Variants in HIGD1C observed in about 807,000 individuals in gnomAD.
HIGD1C encodes HIG1 hypoxia inducible domain family member 1C.
Under a neutral mutation model 13.1 loss-of-function variants are expected in HIGD1C, and 11 were observed. The observed-to-expected ratio is 0.84, with a 90% CI of 0.53 to 1.39. The LOEUF (loss-of-function observed/expected upper bound fraction) is 1.39, where lower values mean the gene tolerates loss of function less well. HIGD1C is among the 40% of genes most tolerant of loss of function. The pLI, the probability that HIGD1C is intolerant of heterozygous loss-of-function variation, is 0.00. For missense variants in HIGD1C, 110 were observed against 112.0 expected (o/e 0.98, Z 0.08); for synonymous variants, 36 against 37.7 (o/e 0.95, Z 0.17).
chr12:50,932,528 G>A, the HIGD1C span: 109 of 152,276 alleles, frequency 7.2e-4, 2 homozygotes, highest in East Asian at 0.021. Flanking sequence ...TATCTTTGCT[G>A]GCTTGGTTTC....
chr12:50,959,291 G>T (rs550690397), intron 1 of HIGD1C, among the ~76,000 whole-genome samples: 5 of 151,548 alleles, frequency 3.3e-5, no homozygotes, highest in Non-Finnish European at 7.4e-5. Context: ...GGCTAATTTT[G>T]TATTTTTAGT....
intron 2 of HIGD1C, among the ~76,000 whole-genome samples, chr12:50,964,282 A>T (rs1939459151): frequency 6.6e-6 from 1 of 152,182 alleles, no homozygotes; most frequent in Non-Finnish European, 1.5e-5. Context: ...TCCACTACAC[A>T]TTTCATATCC....
At chr12:50,960,638 C>T (rs1939288306) in intron 1 of HIGD1C, among the ~76,000 whole-genome samples, 1 of 152,132 alleles carries the variant, frequency 6.6e-6, no homozygotes, top group African/African-American at 2.4e-5. Flanking sequence ...TTTCATTTAA[C>T]TCTCTAAGCA....
chr12:50,968,143 G>A (rs1053007946), intron 2 of HIGD1C, among the ~76,000 whole-genome samples: 2 of 152,018 alleles, frequency 1.3e-5, no homozygotes, highest in Non-Finnish European at 2.9e-5. Context: ...AGGAGGAGGA[G>A]GAGAAGGGAT....
intron 2 of HIGD1C, among the ~76,000 whole-genome samples, chr12:50,966,131 T>C (rs1365136637): frequency 6.6e-6 from 1 of 152,200 alleles, no homozygotes; most frequent in African/African-American, 2.4e-5. Context: ...TTTCCTTGTC[T>C]TTGTCAATCA....
intron 2 of HIGD1C, among the ~76,000 whole-genome samples, chr12:50,963,395 AAAAGAAAAG>A (rs1277831867): frequency 1.4e-5 from 2 of 146,116 alleles, no homozygotes; most frequent in Non-Finnish European, 3.0e-5. Context: ...AAAAAAAAAG[AAAAGAAAAG>A]AAAGGAAAGT....
chr12:50,953,992 GA>G (rs776947824), exon 1 of HIGD1C: 25 of 1,586,454 alleles, frequency 1.6e-5, no homozygotes, highest in Non-Finnish European at 2.1e-5. Context: ...TGTTACTAGA[GA>G]AAAAAATGTC....
the HIGD1C span, among the ~76,000 whole-genome samples, chr12:50,936,401 C>T: frequency 2.6e-5 from 4 of 152,188 alleles, no homozygotes; most frequent in African/African-American, 9.7e-5. Context: ...TGAGCTATCA[C>T]ACTCAGCTGG....
At position 50,954,066 on chromosome 12, in the gene HIGD1C, C is replaced by CCTATAGAGTA. The variant is rs1430878049; in HGVS notation, c.68_69insCTATAGAGTA (p.Arg24TyrfsTer4). 1.9e-6 allele frequency: 3 copies of CCTATAGAGTA among 1,611,940 alleles called. No homozygotes were observed. The highest frequency in any genetic ancestry group is 2.5e-6 in the Non-Finnish European group (3 of 1,178,100). On this transcript the variant is annotated frameshift_variant, in exon 1 of 3. Transcript: ENST00000398455. LOFTEE classifies it high-confidence loss of function. ...CAATTATCCCGACTAATCAGGAAAT[C>CCTATAGAGTA]TAGAGACTCCCCCTTTGTCCCTATA... is the stretch of plus-strand genomic sequence containing the variant.
At chr12:50,946,884 T>C in the HIGD1C span, among the ~76,000 whole-genome samples, 1 of 152,182 alleles carries the variant, frequency 6.6e-6, no homozygotes, top group African/African-American at 2.4e-5. Context: ...GTTGTGCACA[T>C]GTACCATAGA....
At chr12:50,962,724 A>G (rs319930) in intron 2 of HIGD1C, among the ~76,000 whole-genome samples, 14,622 of 152,110 alleles carry the variant, frequency 0.096, 1,078 homozygotes, top group African/African-American at 0.2. Context: ...TTTTTTTGCT[A>G]TGGAAGCACA....
chr12:50,961,887 T>C (rs1315985683), intron 2 of HIGD1C, among the ~76,000 whole-genome samples: 2 of 152,172 alleles, frequency 1.3e-5, no homozygotes. Context: ...CTGTGAGCTG[T>C]AATGTGCTCC....
chr12:50,963,742 C>T (rs944170366), intron 2 of HIGD1C, among the ~76,000 whole-genome samples: 1 of 152,144 alleles, frequency 6.6e-6, no homozygotes, highest in Non-Finnish European at 1.5e-5. Flanking sequence ...GCATCATTTC[C>T]ACCTTCTAAA....
At chr12:50,957,350 C>T (rs1188825276) in intron 1 of HIGD1C, among the ~76,000 whole-genome samples, 1 of 151,504 alleles carries the variant, frequency 6.6e-6, no homozygotes, top group Non-Finnish European at 1.5e-5. Flanking sequence ...AAGCATGCGC[C>T]ACCACACCTG....
chr12:50,950,729 T>A (rs1592244411), upstream of HIGD1C, among the ~76,000 whole-genome samples: 1 of 137,954 alleles, frequency 7.2e-6, no homozygotes, highest in East Asian at 2.1e-4. Context: ...CAGGCTGGAG[T>A]GCAGTGGTGC....
the HIGD1C span, among the ~76,000 whole-genome samples, chr12:50,937,493 C>T: frequency 2.0e-5 from 3 of 152,316 alleles, no homozygotes; most frequent in East Asian, 5.8e-4. Flanking sequence ...CCCAGAAGGG[C>T]CGCAGCTTTT....
chr12:50,932,494 T>C, the HIGD1C span: 1 of 152,282 alleles, frequency 6.6e-6, no homozygotes, highest in Non-Finnish European at 1.5e-5. Flanking sequence ...TTCACATTTG[T>C]GTTAGGAACA....
chr12:50,953,867 G>A (rs1353501986), upstream of HIGD1C: 1 of 573,830 alleles, frequency 1.7e-6, no homozygotes, highest in African/African-American at 1.9e-5. Flanking sequence ...TGTTTCAGTT[G>A]AGCAGATAGG....
chr12:50,935,263 A>C, the HIGD1C span: 4 of 152,356 alleles, frequency 2.6e-5, no homozygotes, highest in African/African-American at 9.6e-5. Context: ...ATTAGGCTAC[A>C]TTAAAAAATA....
Sources: allele counts gnomAD v4.1 joint callset (sites outside exome capture counted in the v4.1 genomes callset), GRCh38; gene constraint gnomAD v4.1.1; transcripts MANE v1.5; gene names NCBI Gene and HGNC (gene_info 2026-07-23, HGNC 2026-07-21).